SLC39A11: variants seen among roughly 807,000 people sequenced by gnomAD.
The protein encoded by SLC39A11 is zinc transporter ZIP11.
SLC39A11 carries 33 observed loss-of-function variants against 36.1 expected under a neutral mutation model. The ratio of observed to expected loss-of-function variants is 0.91; its 90% confidence interval spans 0.69 to 1.22. SLC39A11 has a LOEUF of 1.22. Among genes scored for constraint, SLC39A11 ranks in the 50% most tolerant of loss-of-function variants. The probability of loss-of-function intolerance (pLI) is 0.00; values close to 1 mark genes in which losing one functional copy is unlikely to be tolerated. For synonymous variants in SLC39A11, 166 were observed against 170.3 expected, an observed-to-expected ratio of 0.97 and a Z score of 0.20; for missense variants, 432 against 430.3, an observed-to-expected ratio of 1.00 and a Z score of -0.03.
In SLC39A11 at chr17:72,863,530, C is replaced by T. The variant is rs189508700; in HGVS notation, c.431-13726G>A. Among the ~76,000 whole-genome samples the T allele has an allele frequency of 1.7e-3, 260 of 152,292 alleles. 6 individuals carry two copies. Among genetic ancestry groups the T allele is most frequent in the Admixed American group, 0.017 (259 of 15,300 alleles). On this transcript the variant is annotated intron_variant, in intron 5 of 9. Transcript: ENST00000255559. ...TGTGAGCAGGAACCCAATATCCCAC[C>T]CAGACACAGCCGCCTGTCACGTTTT... is the stretch of plus-strand genomic sequence containing the variant.
chr17:73,006,958 A>T (rs1385706544), intron 4 of SLC39A11, among the ~76,000 whole-genome samples: 1 of 152,154 alleles, frequency 6.6e-6, no homozygotes, highest in Non-Finnish European at 1.5e-5. Flanking sequence ...TCCTGTAGCA[A>T]ATCAGTTTCA....
chr17:73,023,069 T>C (rs1397009267), intron 4 of SLC39A11, among the ~76,000 whole-genome samples: 1 of 152,188 alleles, frequency 6.6e-6, no homozygotes, highest in Non-Finnish European at 1.5e-5. Context: ...TATTAATTAG[T>C]ACTGTGTATT....
chr17:73,038,544 C>CAA (rs35947586), intron 3 of SLC39A11, among the ~76,000 whole-genome samples: 5,447 of 123,856 alleles, frequency 0.044, 129 homozygotes, highest in Middle Eastern at 0.083. Flanking sequence ...ACTAAAAATA[C>CAA]AAAAAAAAAA....
At chr17:72,789,151 C>G (rs367644120) in intron 6 of SLC39A11, among the ~76,000 whole-genome samples, 61 of 151,850 alleles carry the variant, frequency 4.0e-4, no homozygotes, top group African/African-American at 5.1e-4. Flanking sequence ...TCTCCTGCGT[C>G]AGCCTCCAGA....
At chr17:72,683,557 G>A (rs539055247) in intron 7 of SLC39A11, among the ~76,000 whole-genome samples, 99 of 151,708 alleles carry the variant, frequency 6.5e-4, no homozygotes, top group East Asian at 4.7e-3. Flanking sequence ...GGCTGGTCTC[G>A]GACTCCTAGG....
intron 3 of SLC39A11, among the ~76,000 whole-genome samples, chr17:73,041,016 A>C (rs201061476): frequency 5.8e-4 from 58 of 100,556 alleles, no homozygotes; most frequent in African/African-American, 1.6e-3. Context: ...AAACAAAAAA[A>C]AAAAACAGTA....
chr17:72,897,863 A>T (rs960320997), intron 5 of SLC39A11, among the ~76,000 whole-genome samples: 1 of 152,196 alleles, frequency 6.6e-6, no homozygotes, highest in Non-Finnish European at 1.5e-5. Context: ...TACTGAGGGT[A>T]GTTAAAGTAT....
At chr17:72,855,386 C>G (rs2079584173) in intron 5 of SLC39A11, among the ~76,000 whole-genome samples, 1 of 152,144 alleles carries the variant, frequency 6.6e-6, no homozygotes, top group Admixed American at 6.6e-5. Context: ...TAACAGAACA[C>G]TAGCCAAGAG....
intron 4 of SLC39A11, among the ~76,000 whole-genome samples, chr17:73,009,049 G>A (rs2090351618): frequency 9.3e-6 from 1 of 107,396 alleles, no homozygotes; most frequent in African/African-American, 4.4e-5. Flanking sequence ...GTGACAGAGA[G>A]ACCTGCCTCA....
intron 9 of SLC39A11, 81 bp from the exon 10 acceptor site, chr17:72,647,743 G>T: frequency 9.2e-7 from 1 of 1,082,158 alleles, no homozygotes; most frequent in Non-Finnish European, 1.4e-6. Context: ...CCTCTGCAAT[G>T]TCCAATTCCA....
At chr17:72,758,930 C>T (rs138401181) in intron 6 of SLC39A11, among the ~76,000 whole-genome samples, 1 of 152,040 alleles carries the variant, frequency 6.6e-6, no homozygotes, top group Non-Finnish European at 1.5e-5. Context: ...ATGGCAAAAC[C>T]CTGTCTCTAC....
intron 4 of SLC39A11, among the ~76,000 whole-genome samples, chr17:73,010,189 A>G (rs1182308130): frequency 9.2e-5 from 14 of 152,052 alleles, no homozygotes; most frequent in Non-Finnish European, 2.9e-5. Flanking sequence ...TGAGGCACAG[A>G]GTCTGGGGTG....
At chr17:72,811,508 G>T (rs1344442495) in intron 6 of SLC39A11, among the ~76,000 whole-genome samples, 1 of 152,206 alleles carries the variant, frequency 6.6e-6, no homozygotes, top group Non-Finnish European at 1.5e-5. Flanking sequence ...TCTCAGAAGG[G>T]AGAGGCTGGG....
intron 3 of SLC39A11, among the ~76,000 whole-genome samples, chr17:73,033,924 A>G (rs1301500111): frequency 1.3e-5 from 2 of 152,194 alleles, no homozygotes; most frequent in Non-Finnish European, 2.9e-5. Flanking sequence ...AAATTCTCCC[A>G]GCAAAAGTCT....
chr17:72,786,429 C>T (rs1272502781), intron 6 of SLC39A11, among the ~76,000 whole-genome samples: 1 of 152,172 alleles, frequency 6.6e-6, no homozygotes. Context: ...ATATACCCTC[C>T]CACATACATG....
At chr17:72,865,011 C>A (rs1415695142) in intron 5 of SLC39A11, among the ~76,000 whole-genome samples, 1 of 152,028 alleles carries the variant, frequency 6.6e-6, no homozygotes, top group Non-Finnish European at 1.5e-5. Context: ...TAAAGATAAA[C>A]CAAAATCTCC....
intron 6 of SLC39A11, chr17:72,838,172 CACA>C (rs2078650931): frequency 2.5e-6 from 1 of 398,918 alleles, no homozygotes; most frequent in Non-Finnish European, 4.4e-6. Context: ...ATGGTGGTTG[CACA>C]ACCTTTCAGA....
At chr17:72,879,327 G>T (rs1016039635) in intron 5 of SLC39A11, among the ~76,000 whole-genome samples, 1 of 152,106 alleles carries the variant, frequency 6.6e-6, no homozygotes, top group African/African-American at 2.4e-5. Flanking sequence ...CTATCTAGGG[G>T]CTCCCAGCCA....
intron 6 of SLC39A11, among the ~76,000 whole-genome samples, chr17:72,766,064 A>T (rs1449471236): frequency 2.0e-5 from 3 of 152,146 alleles, no homozygotes; most frequent in Non-Finnish European, 4.4e-5. Context: ...CAGAGTGAGA[A>T]TGATGCCAAG....
Sources: allele counts gnomAD v4.1 joint callset (sites outside exome capture counted in the v4.1 genomes callset), GRCh38; gene constraint gnomAD v4.1.1; transcripts MANE v1.5; gene names NCBI Gene and HGNC (gene_info 2026-07-23, HGNC 2026-07-21).